Variants in HERC5 observed in about 807,000 individuals in gnomAD.
The protein encoded by HERC5 is E3 ISG15--protein ligase HERC5.
A neutral mutation model predicts 119.6 loss-of-function variants in HERC5; 99 were observed. The observed-to-expected ratio is 0.83, with a 90% CI of 0.70 to 0.98. HERC5 has a LOEUF of 0.98. Ranked by LOEUF, HERC5 falls within the 50% of genes least tolerant of loss-of-function variation. The pLI, the probability that HERC5 is intolerant of heterozygous loss-of-function variation, is 0.00. For missense variants in HERC5, 1,267 were observed against 1,241.3 expected, an observed-to-expected ratio of 1.02 and a Z score of -0.31; for synonymous variants, 478 against 445.9, an observed-to-expected ratio of 1.07 and a Z score of -0.91.
chr4:88,463,802 C>G, intron 5 of HERC5, 53 bp from the exon 6 acceptor site: 1 of 1,595,076 alleles, frequency 6.3e-7, no homozygotes. Flanking sequence ...TCAGTGAATA[C>G]TACTTTTTTA....
At chr4:88,464,133 A>G (rs920990834) in intron 6 of HERC5, 148 bp downstream of exon 6, 6 of 541,590 alleles carry the variant, frequency 1.1e-5, no homozygotes, top group South Asian at 4.2e-5. Context: ...AGATAAATGT[A>G]ATACCCCTTT....
At chr4:88,500,875 T>C (rs1741926487) in intron 19 of HERC5, 40 bp from the exon 20 acceptor site, 1 of 1,420,256 alleles carries the variant, frequency 7.0e-7, no homozygotes, top group South Asian at 1.2e-5. Flanking sequence ...TTGTTCAGAA[T>C]TATGTTGGAG....
intron 11 of HERC5, among the ~76,000 whole-genome samples, chr4:88,475,324 CTT>C (rs757780297): frequency 8.9e-5 from 11 of 123,470 alleles, no homozygotes; most frequent in East Asian, 2.4e-4. Context: ...TTCTTTCTTT[CTT>C]TTTTTTTTTT....
intron 3 of HERC5, among the ~76,000 whole-genome samples, chr4:88,461,476 A>G (rs950699936): frequency 6.6e-5 from 10 of 152,156 alleles, no homozygotes; most frequent in African/African-American, 4.8e-5. Context: ...ATTGTGTGTG[A>G]AGGAGAGGCT....
At chr4:88,470,577 G>C (rs1410557443) in intron 9 of HERC5, 37 bp from the exon 10 acceptor site, 1 of 1,061,406 alleles carries the variant, frequency 9.4e-7, no homozygotes. Context: ...TGTATACCAT[G>C]TGATTTGGTT....
rs774593839 is a variant in HERC5, at chr4:88,486,168, C to A, written c.1791C>A (p.Leu597=). ...AAAGTATTTTCCAAGTAGACGAACTCTTGCACCGTCTCAATTTTTTTGTAG... is the reference window on the plus strand; with the variant it reads ...AAAGTATTTTCCAAGTAGACGAACTATTGCACCGTCTCAATTTTTTTGTAG... ...LPESIFQVDE[L]LHRLNFFVEV... is the part of the protein sequence containing the mutation. Residue 597 remains leucine (L), a synonymous_variant, in exon 14 of 23, where the codon CTC becomes CTA. Transcript: ENST00000264350. 6 of 1,612,556 alleles carry A rather than the reference C, an allele frequency of 3.7e-6. No individual in the cohort carries two copies. The highest frequency in any genetic ancestry group is 5.1e-6 in the Non-Finnish European group (6 of 1,179,010).
chr4:88,459,301 GT>G, intron 1 of HERC5, 45 bp from the exon 2 acceptor site: 1 of 1,472,646 alleles, frequency 6.8e-7, no homozygotes, highest in Non-Finnish European at 9.0e-7. Context: ...AATACAGTGG[GT>G]AATAATCAAA....
At chr4:88,494,103 T>A in intron 17 of HERC5, 62 bp from the exon 18 acceptor site, 1 of 1,006,124 alleles carries the variant, frequency 9.9e-7, no homozygotes. Flanking sequence ...TTATTTAATA[T>A]AAATATTTCA....
At chr4:88,489,646 C>A (rs940094084) in intron 16 of HERC5, among the ~76,000 whole-genome samples, 2 of 152,122 alleles carry the variant, frequency 1.3e-5, no homozygotes, top group Non-Finnish European at 2.9e-5. Flanking sequence ...GCTAGCACCA[C>A]CCTTGAAGGG....
At position 88,470,674 on chromosome 4, in the gene HERC5, G is replaced by T; in HGVS notation, c.1298+1G>T. On this transcript the variant is annotated splice_donor_variant, in intron 10 of 22. Transcript: ENST00000264350. LOFTEE classifies it high-confidence loss of function. ...TAACTGGAAGTTTTTTAAGGAAAAGGTAATATATGTAATAAATTAATTGTA... is the reference window on the plus strand; with the variant it reads ...TAACTGGAAGTTTTTTAAGGAAAAGTTAATATATGTAATAAATTAATTGTA... The T allele has an allele frequency of 8.1e-7, 1 of 1,240,474 alleles. No individual in the cohort carries two copies. The highest frequency in any genetic ancestry group is 1.2e-6 in the Non-Finnish European group (1 of 850,968). 76.8% of individuals were successfully genotyped at this position (1,240,474 alleles called of 1,614,324 possible).
At chr4:88,504,631 G>C in intron 22 of HERC5, 34 bp downstream of exon 22, 1 of 1,301,634 alleles carries the variant, frequency 7.7e-7, no homozygotes, top group Non-Finnish European at 1.0e-6. Context: ...ATCTGTAATC[G>C]TATGTCTTTT....
intron 12 of HERC5, among the ~76,000 whole-genome samples, chr4:88,478,686 A>G (rs1019783547): frequency 2.0e-5 from 3 of 152,020 alleles, no homozygotes; most frequent in Non-Finnish European, 4.4e-5. Flanking sequence ...ATCTCAGCTC[A>G]CTGCAGCCTC....
At chr4:88,467,890 C>T in intron 7 of HERC5, 2 of 984,946 alleles carry the variant, frequency 2.0e-6, no homozygotes, top group Non-Finnish European at 2.4e-6. Context: ...ACAAAATCTA[C>T]TCATTTCTTG....
At chr4:88,461,585 T>G (rs1740445770) in intron 3 of HERC5, among the ~76,000 whole-genome samples, 1 of 152,196 alleles carries the variant, frequency 6.6e-6, no homozygotes, top group Admixed American at 6.5e-5. Flanking sequence ...TATTGTCAGC[T>G]CTATCAGATA....
At chr4:88,474,394 C>T (rs1740981598) in intron 11 of HERC5, among the ~76,000 whole-genome samples, 1 of 152,110 alleles carries the variant, frequency 6.6e-6, no homozygotes, top group African/African-American at 2.4e-5. Context: ...CACAGTGTGT[C>T]AGACAATAGG....
chr4:88,503,805 G>T (rs1306489200), intron 20 of HERC5, among the ~76,000 whole-genome samples: 1 of 152,146 alleles, frequency 6.6e-6, no homozygotes, highest in East Asian at 1.9e-4. Context: ...GGTGGCTAAC[G>T]TCTGTAATCC....
chr4:88,464,080 C>A, intron 6 of HERC5, 95 bp downstream of exon 6: 2 of 964,786 alleles, frequency 2.1e-6, no homozygotes, highest in Non-Finnish European at 2.9e-6. Flanking sequence ...TGAGATGTAT[C>A]AAACATTTTC....
In HERC5 at chr4:88,487,194, T is replaced by G. The variant is rs769638670; in HGVS notation, c.1962+15T>G. On this transcript the variant is annotated intron_variant, in intron 15 of 22. Coordinates refer to ENST00000264350, the MANE Select transcript of HERC5 (RefSeq NM_016323.4). ...TAAAAATAGAGGTATGTATGCCTATTTGTCTTCATTAGCATAAATCACATG... is the reference window on the plus strand; with the variant it reads ...TAAAAATAGAGGTATGTATGCCTATGTGTCTTCATTAGCATAAATCACATG... 3.7e-6 allele frequency: 5 copies of G among 1,356,920 alleles called. No homozygotes were observed. In the Admixed American group the frequency reaches 8.5e-5, roughly 23 times the overall value. 84.1% of individuals were successfully genotyped at this position (1,356,920 alleles called of 1,614,324 possible). A position where few individuals can be genotyped will look rare whatever the true frequency, so the allele number is the denominator to read the frequency against.
At chr4:88,489,040 T>C (rs1284517538) in intron 15 of HERC5, 126 bp from the exon 16 acceptor site, 2 of 667,496 alleles carry the variant, frequency 3.0e-6, no homozygotes, top group Non-Finnish European at 5.1e-6. Flanking sequence ...GTGGTGCATA[T>C]AAGGTTCTTT....
Sources: gnomAD v4.1 joint callset for allele counts (sites outside exome capture counted in the v4.1 genomes callset) on GRCh38, gnomAD v4.1.1 for gene constraint, MANE v1.5 for transcripts, NCBI Gene and HGNC (gene_info 2026-07-23, HGNC 2026-07-21) for gene names.